OXR1: variants seen among roughly 807,000 people sequenced by gnomAD.
OXR1 encodes oxidation resistance protein 1.
A neutral mutation model predicts 104.6 loss-of-function variants in OXR1; 41 were observed. The ratio of observed to expected loss-of-function variants is 0.39; its 90% confidence interval spans 0.31 to 0.51. The LOEUF is 0.51. Ranked by LOEUF, OXR1 falls within the 20% of genes least tolerant of loss-of-function variation. The pLI is 0.77. For missense variants in OXR1, 955 were observed against 1,031.9 expected (o/e 0.93, Z 1.02); for synonymous variants, 348 against 348.4 (o/e 1.00, Z 0.01).
chr8:106,381,513 A>G (rs1817148441), intron 2 of OXR1, among the ~76,000 whole-genome samples: 1 of 152,118 alleles, frequency 6.6e-6, no homozygotes, highest in Admixed American at 6.6e-5. Flanking sequence ...AGGGAAGAAT[A>G]CAGAACTCAC....
chr8:106,659,352 CATTTT>C (rs1825509561), intron 3 of OXR1, among the ~76,000 whole-genome samples: 1 of 152,162 alleles, frequency 6.6e-6, no homozygotes, highest in African/African-American at 2.4e-5. Context: ...ATTAAAGTCT[CATTTT>C]AGCATAGCCC....
intron 1 of OXR1, among the ~76,000 whole-genome samples, chr8:106,311,970 C>T (rs1183320609): frequency 6.6e-6 from 1 of 152,076 alleles, no homozygotes; most frequent in Non-Finnish European, 1.5e-5. Flanking sequence ...TTTTGGGCCT[C>T]TGACTTTTAT....
chr8:106,675,040 G>A (rs757241175), intron 3 of OXR1, among the ~76,000 whole-genome samples: 1 of 152,136 alleles, frequency 6.6e-6, no homozygotes, highest in African/African-American at 2.4e-5. Flanking sequence ...AATGAAAAGA[G>A]AATTGGTACA....
At chr8:106,481,534 T>C (rs188357077) in intron 2 of OXR1, among the ~76,000 whole-genome samples, 73 of 152,094 alleles carry the variant, frequency 4.8e-4, no homozygotes, top group Admixed American at 1.4e-3. Context: ...CAGGACTTGA[T>C]TGAAATTGAG....
chr8:106,456,168 G>A (rs2130632384), intron 2 of OXR1, among the ~76,000 whole-genome samples: 1 of 152,258 alleles, frequency 6.6e-6, no homozygotes, highest in South Asian at 2.1e-4. Flanking sequence ...GTCACTGCAA[G>A]CACTCAGAGA....
At chr8:106,345,068 G>A (rs542274676) in intron 1 of OXR1, among the ~76,000 whole-genome samples, 1 of 152,282 alleles carries the variant, frequency 6.6e-6, no homozygotes, top group Admixed American at 6.5e-5. Context: ...CTGTGTTTCT[G>A]TATTTATGTT....
At chr8:106,709,021 G>A (rs1831435246) in intron 9 of OXR1, among the ~76,000 whole-genome samples, 3 of 152,006 alleles carry the variant, frequency 2.0e-5, no homozygotes, top group Non-Finnish European at 4.4e-5. Context: ...CTTGAACCAA[G>A]TTCTATAAAA....
intron 2 of OXR1, among the ~76,000 whole-genome samples, chr8:106,371,630 T>C (rs1816712392): frequency 6.6e-6 from 1 of 152,368 alleles, no homozygotes; most frequent in Non-Finnish European, 1.5e-5. Flanking sequence ...CTTCTTGATT[T>C]CTGCCTTAAT....
chr8:106,732,829 T>A (rs1834014590), intron 11 of OXR1, among the ~76,000 whole-genome samples: 1 of 152,172 alleles, frequency 6.6e-6, no homozygotes, highest in African/African-American at 2.4e-5. Context: ...TGAGAGATAA[T>A]TGCCTGTAGT....
At chr8:106,682,100 A>C (rs1828210400) in intron 4 of OXR1, among the ~76,000 whole-genome samples, 1 of 152,078 alleles carries the variant, frequency 6.6e-6, no homozygotes. Context: ...TTTGGATTAC[A>C]TGGTGCTTTT....
At chr8:106,402,143 G>T (rs1818027909) in intron 2 of OXR1, among the ~76,000 whole-genome samples, 1 of 152,138 alleles carries the variant, frequency 6.6e-6, no homozygotes, top group Non-Finnish European at 1.5e-5. Flanking sequence ...ATTGGAGTAG[G>T]CACGTAGTTT....
intron 3 of OXR1, among the ~76,000 whole-genome samples, chr8:106,592,617 C>G (rs1485992461): frequency 2.0e-5 from 3 of 152,044 alleles, no homozygotes; most frequent in Admixed American, 2.0e-4. Context: ...GAAGAGCAAG[C>G]ACAAAGGCCT....
At chr8:106,398,556 A>G (rs1162557843) in intron 2 of OXR1, among the ~76,000 whole-genome samples, 2 of 152,176 alleles carry the variant, frequency 1.3e-5, no homozygotes, top group African/African-American at 4.8e-5. Context: ...CTGAATAGGT[A>G]TAAAACTAAT....
In OXR1 at chr8:106,672,007, A is replaced by T. The variant is rs10086709; in HGVS notation, c.221-7203A>T. Among the ~76,000 whole-genome samples the T allele has an allele frequency of 1.5e-3, 152 of 102,240 alleles. 1 individual carries two copies. The highest frequency in any genetic ancestry group is 4.3e-3 in the East Asian group (9 of 2,072). 67.1% of individuals were successfully genotyped at this position (102,240 alleles called of 152,430 possible). The stretch of plus-strand genomic sequence containing the variant: ...ATAATAATAATAATAATAATAATAA[A>T]AGGCTGTGAGGAGTCAGTAATTCAG... On this transcript the variant is annotated intron_variant, in intron 3 of 16. Coordinates refer to ENST00000517566, the MANE Select transcript of OXR1 (RefSeq NM_001198533.2).
intron 1 of OXR1, among the ~76,000 whole-genome samples, chr8:106,275,808 G>T (rs1355442282): frequency 1.3e-5 from 2 of 151,958 alleles, no homozygotes; most frequent in African/African-American, 2.4e-5. Context: ...CACACACAGA[G>T]CAAGATTTTG....
intron 2 of OXR1, among the ~76,000 whole-genome samples, chr8:106,383,790 C>A (rs1817257890): frequency 6.6e-6 from 1 of 152,082 alleles, no homozygotes; most frequent in Non-Finnish European, 1.5e-5. Context: ...CATCGTAAGC[C>A]AAGTCAGTGC....
chr8:106,566,739 G>C, intron 3 of OXR1, among the ~76,000 whole-genome samples: 1 of 152,162 alleles, frequency 6.6e-6, no homozygotes, highest in Non-Finnish European at 1.5e-5. Flanking sequence ...ATCAATGTTA[G>C]ACTGGATAAA....
intron 9 of OXR1, 58 bp from the exon 10 acceptor site, chr8:106,710,564 A>T: frequency 5.1e-6 from 6 of 1,178,188 alleles, no homozygotes; most frequent in Non-Finnish European, 6.8e-6. Context: ...AAGTTAACTA[A>T]ACTACCTAAA....
intron 1 of OXR1, among the ~76,000 whole-genome samples, chr8:106,339,492 C>CAAAAAAA (rs562959605): frequency 2.6e-4 from 2 of 7,582 alleles, no homozygotes; most frequent in Admixed American, 3.0e-3. Context: ...AGACTCCATC[C>CAAAAAAA]AAAAAAAAAA....
Sources: allele counts gnomAD v4.1 joint callset (sites outside exome capture counted in the v4.1 genomes callset), GRCh38; gene constraint gnomAD v4.1.1; transcripts MANE v1.5; gene names NCBI Gene and HGNC (gene_info 2026-07-23, HGNC 2026-07-21).